NME8: variants seen among roughly 807,000 people sequenced by gnomAD.
NME8 encodes NME/NM23 family member 8.
A neutral mutation model predicts 82.3 loss-of-function variants in NME8; 72 were observed. The observed-to-expected ratio is 0.87, with a 90% CI of 0.72 to 1.06. NME8 has a LOEUF of 1.06. Ranked by LOEUF, NME8 falls within the 50% of genes least tolerant of loss-of-function variation. The probability of loss-of-function intolerance (pLI) is 0.00; values close to 1 mark genes in which losing one functional copy is unlikely to be tolerated. For synonymous variants in NME8, 267 were observed against 228.5 expected (o/e 1.17, Z -1.52); for missense variants, 712 against 685.4 (o/e 1.04, Z -0.43).
intron 17 of NME8, among the ~76,000 whole-genome samples, chr7:37,898,566 G>A (rs112997998): frequency 1.3e-5 from 2 of 152,160 alleles, no homozygotes; most frequent in South Asian, 2.1e-4. Context: ...GATGCATACT[G>A]CAACATGGAT....
intron 12 of NME8, among the ~76,000 whole-genome samples, chr7:37,880,840 G>C (rs1784933333): frequency 6.6e-6 from 1 of 151,824 alleles, no homozygotes; most frequent in Non-Finnish European, 1.5e-5. Context: ...TCTTCATTTA[G>C]ATTCTTTACA....
intron 9 of NME8, among the ~76,000 whole-genome samples, chr7:37,864,647 A>G (rs1227917740): frequency 6.6e-6 from 1 of 152,188 alleles, no homozygotes; most frequent in Admixed American, 6.5e-5. Flanking sequence ...TAAATTTTAA[A>G]AAATTATAGT....
At position 37,885,161 on chromosome 7, in the gene NME8, C is replaced by G; in HGVS notation, c.1156C>G (p.Leu386Val). The change falls in exon 14 of 18, where the codon CTT becomes GTT. Residue 386 changes from leucine (L) to valine (V), a missense_variant. By Grantham distance (32) the Leu-to-Val change is conservative (BLOSUM62 1). Transcript: ENST00000199447. Reference sequence around the variant, plus strand: ...TTCTAATAGTGGTCCATCTCTAGCCCTTGTTTTATTGAGAGACAATGGCTT... The same window carrying G: ...TTCTAATAGTGGTCCATCTCTAGCCGTTGTTTTATTGAGAGACAATGGCTT... Reference protein sequence around the residue: ...ENMTSGPSLALVLLRDNGLQY... With the variant: ...ENMTSGPSLAVVLLRDNGLQY... 1 of 1,611,300 alleles carries G rather than the reference C, an allele frequency of 6.2e-7. No homozygotes were observed. The highest frequency in any genetic ancestry group is 8.5e-7 in the Non-Finnish European group (1 of 1,177,656).
At position 37,897,099 on chromosome 7, in the gene NME8, T is replaced by G; in HGVS notation, c.*7T>G. 6.5e-7 allele frequency: 1 copy of G among 1,539,838 alleles called. No homozygotes were observed. The highest frequency in any genetic ancestry group is 9.0e-7 in the Non-Finnish European group (1 of 1,112,646). ...GGATCCTGAGGAAAACTAAAGTATA[T>G]ACTGTGAAGTACGTACCTGTTTAAT... On this transcript the variant is annotated 3_prime_UTR_variant, in exon 17 of 18. Coordinates refer to ENST00000199447, the MANE Select transcript of NME8 (RefSeq NM_016616.5).
chr7:37,864,512 A>G (rs1206698701), intron 9 of NME8, 91 bp downstream of exon 9: 1 of 1,270,824 alleles, frequency 7.9e-7, no homozygotes, highest in Non-Finnish European at 1.1e-6. Flanking sequence ...ATTTAGAGTG[A>G]AATAGAACAA....
chr7:37,872,958 G>T (rs148106716), intron 11 of NME8, among the ~76,000 whole-genome samples: 3,612 of 152,274 alleles, frequency 0.024, 59 homozygotes, highest in African/African-American at 0.029. Context: ...GTAAGCACTT[G>T]TATACTTCAT....
chr7:37,888,315 A>T lies in NME8; in HGVS notation c.1286A>T (p.Asn429Ile). The change falls in exon 15 of 18, where the codon AAC (asparagine) becomes ATC (isoleucine). Residue 429 changes from asparagine to isoleucine, a missense_variant. Asn to Ile is a moderately radical substitution (Grantham distance 149). Transcript: ENST00000199447. ...AQFAMDSLPV[N>I]QLYGSDSLET... The stretch of plus-strand genomic sequence containing the variant: ...TTTGCGATGGACAGTTTGCCGGTCA[A>T]CCAGTTGTATGGCAGCGATTCATTA... The T allele has an allele frequency of 2.5e-6, 4 of 1,613,736 alleles. No individual in the cohort carries two copies. The East Asian group carries it at 8.9e-5, about 36-fold the overall frequency.
At chr7:37,897,533 A>C (rs764648835) in intron 17 of NME8, among the ~76,000 whole-genome samples, 17 of 152,174 alleles carry the variant, frequency 1.1e-4, no homozygotes, top group Admixed American at 8.5e-4. Context: ...CTAAACAAAA[A>C]CAAAACAAAA....
chr7:37,873,311 A>G (rs1331384482), intron 11 of NME8, among the ~76,000 whole-genome samples: 1 of 148,940 alleles, frequency 6.7e-6, no homozygotes, highest in Non-Finnish European at 1.5e-5. Flanking sequence ...AGTGAGCCAA[A>G]ATTGCGCCAC....
intron 14 of NME8, 80 bp downstream of exon 14, chr7:37,885,332 C>A: frequency 2.3e-6 from 2 of 881,670 alleles, no homozygotes; most frequent in African/African-American, 1.7e-5. Context: ...GTATTGGAAC[C>A]ACAGCTCTAG....
At chr7:37,857,371 C>T (rs1316875896) in intron 6 of NME8, 26 bp downstream of exon 6, 1 of 1,449,196 alleles carries the variant, frequency 6.9e-7, no homozygotes, top group Admixed American at 1.7e-5. Context: ...TTCTCAATTG[C>T]ATTATCAGAT....
chr7:37,848,899 C>T lies in NME8; in HGVS notation c.-165C>T, dbSNP rs1365303283. On this transcript the variant is annotated 5_prime_UTR_variant, in exon 2 of 18. Transcript: ENST00000199447. ...AGCCCAGCAGGAGGCCTGCTAGCCT[C>T]AGCCTCGGGCCCTACCAGGGTCCTA... 6.6e-6 allele frequency: 1 copy of T among 152,260 alleles called. No homozygotes were observed. The highest frequency in any genetic ancestry group is 2.4e-5 in the African/African-American group (1 of 41,454). The allele number at this position is 152,260 out of a possible 1,614,324, so 9.4% of individuals were successfully genotyped here.
At chr7:37,875,751 T>C (rs1178742043) in intron 11 of NME8, among the ~76,000 whole-genome samples, 1 of 151,790 alleles carries the variant, frequency 6.6e-6, no homozygotes, top group Non-Finnish European at 1.5e-5. Context: ...TTTATGACAA[T>C]ACGGCACCCA....
intron 12 of NME8, among the ~76,000 whole-genome samples, chr7:37,882,587 GAA>G (rs1168752117): frequency 0.017 from 1,174 of 68,956 alleles, 32 homozygotes; most frequent in Admixed American, 0.097. Context: ...AAGAAAGAAA[GAA>G]AGAAAGAAAG....
intron 12 of NME8, among the ~76,000 whole-genome samples, chr7:37,880,935 C>A (rs1420419928): frequency 6.6e-6 from 1 of 152,018 alleles, no homozygotes. Flanking sequence ...TCCAATTGCT[C>A]ATTTCTGGTA....
chr7:37,861,131 A>G (rs985960023), intron 6 of NME8, among the ~76,000 whole-genome samples: 2 of 152,170 alleles, frequency 1.3e-5, no homozygotes, highest in African/African-American at 4.8e-5. Flanking sequence ...TTTACAAACA[A>G]TTTTAATCAT....
At chr7:37,872,656 T>G (rs2722310) in intron 11 of NME8, among the ~76,000 whole-genome samples, 93,875 of 152,018 alleles carry the variant, frequency 0.62, 29,761 homozygotes, top group East Asian at 0.81. Context: ...GCAAGAAATA[T>G]CTGAAAGTAC....
At position 37,869,958 on chromosome 7, in the gene NME8, G is replaced by A. The variant is rs1159034142; in HGVS notation, c.818+2060G>A. 2.7e-4 allele frequency among the ~76,000 whole-genome samples: 41 copies of A among 152,112 alleles called. 1 individual carries two copies. Among genetic ancestry groups the A allele is most frequent in the Admixed American group, 2.5e-3 (38 of 15,258 alleles). On this transcript the variant is annotated intron_variant, in intron 11 of 17. Transcript: ENST00000199447. ...TTATCTGCCTAAGATCCTCAGATCCGACAGGAACAATTATTTTTCTTCCTC... is the reference window on the plus strand; with the variant it reads ...TTATCTGCCTAAGATCCTCAGATCCAACAGGAACAATTATTTTTCTTCCTC...
intron 5 of NME8, among the ~76,000 whole-genome samples, chr7:37,851,428 C>T (rs993052090): frequency 6.6e-6 from 1 of 152,054 alleles, no homozygotes; most frequent in Non-Finnish European, 1.5e-5. Context: ...GTATGTGAAT[C>T]TACTACTTAA....
Sources: allele counts gnomAD v4.1 joint callset (sites outside exome capture counted in the v4.1 genomes callset), GRCh38; gene constraint gnomAD v4.1.1; transcripts MANE v1.5; gene names NCBI Gene and HGNC (gene_info 2026-07-23, HGNC 2026-07-21).